FOXP2: variants seen among roughly 807,000 people sequenced by gnomAD.
The protein encoded by FOXP2 is forkhead box protein P2.
Under a neutral mutation model 115.8 loss-of-function variants are expected in FOXP2, and 12 were observed. The observed-to-expected ratio is 0.10, with a 90% confidence interval of 0.07 to 0.17. The LOEUF (loss-of-function observed/expected upper bound fraction) is 0.17, where lower values mean the gene tolerates loss of function less well. FOXP2 is among the 10% of genes least tolerant of loss of function. The pLI is 1.00. For synonymous variants in FOXP2, 328 were observed against 297.7 expected (o/e 1.10, Z -1.05); for missense variants, 629 against 843.5 (o/e 0.75, Z 3.15).
intron 1 of FOXP2, among the ~76,000 whole-genome samples, chr7:114,285,794 G>C (rs1451952103): frequency 6.6e-6 from 1 of 151,816 alleles, no homozygotes; most frequent in Non-Finnish European, 1.5e-5. Context: ...CCTTTTCAAG[G>C]TTCTTTGCTC....
chr7:114,323,735 G>T (rs1288320385), intron 2 of FOXP2, among the ~76,000 whole-genome samples: 1 of 151,826 alleles, frequency 6.6e-6, no homozygotes, highest in African/African-American at 2.4e-5. Context: ...TACCATCAGA[G>T]TACTTATAAT....
At chr7:114,678,545 C>CTTTT (rs1475291523) in intron 16 of FOXP2, among the ~76,000 whole-genome samples, 8 of 73,248 alleles carry the variant, frequency 1.1e-4, no homozygotes, top group Non-Finnish European at 2.4e-4. Flanking sequence ...AAATAAGTGA[C>CTTTT]TCTTTTTTTT....
intron 6 of FOXP2, among the ~76,000 whole-genome samples, chr7:114,639,400 T>TA (rs2129331549): frequency 6.6e-6 from 1 of 152,256 alleles, no homozygotes; most frequent in South Asian, 2.1e-4. Context: ...GCAGTGGAGA[T>TA]ACACCAGTAA....
At chr7:114,409,151 T>C (rs995434296) in intron 2 of FOXP2, among the ~76,000 whole-genome samples, 3 of 152,158 alleles carry the variant, frequency 2.0e-5, no homozygotes, top group Admixed American at 6.6e-5. Context: ...CTTTTTAGTC[T>C]TTTTGGCAAA....
intron 2 of FOXP2, among the ~76,000 whole-genome samples, chr7:114,358,310 T>C (rs951975570): frequency 3.3e-5 from 5 of 152,172 alleles, no homozygotes; most frequent in Admixed American, 2.0e-4. Flanking sequence ...TGTTTGTCTT[T>C]ATAGATTACC....
At chr7:114,646,412 A>T (rs1315042606) in intron 8 of FOXP2, among the ~76,000 whole-genome samples, 1 of 152,068 alleles carries the variant, frequency 6.6e-6, no homozygotes, top group African/African-American at 2.4e-5. Flanking sequence ...TATTACTGAC[A>T]ACCAGATGAA....
intron 1 of FOXP2, among the ~76,000 whole-genome samples, chr7:114,214,727 C>A (rs1314774553): frequency 6.6e-6 from 1 of 152,142 alleles, no homozygotes; most frequent in Non-Finnish European, 1.5e-5. Flanking sequence ...AAAACCCATT[C>A]TTTTCCTTCT....
chr7:114,514,800 C>T (rs1165308915), intron 2 of FOXP2, among the ~76,000 whole-genome samples: 1 of 151,582 alleles, frequency 6.6e-6, no homozygotes, highest in Non-Finnish European at 1.5e-5. Flanking sequence ...ATGTGCCATG[C>T]TGGTGTGCTG....
intron 2 of FOXP2, among the ~76,000 whole-genome samples, chr7:114,437,850 T>A (rs1794425273): frequency 6.6e-6 from 1 of 152,050 alleles, no homozygotes; most frequent in Admixed American, 6.6e-5. Context: ...TCAGTTCTGC[T>A]CAGTTCAGTT....
At chr7:114,557,691 A>G (rs1317848792) in intron 3 of FOXP2, among the ~76,000 whole-genome samples, 2 of 152,188 alleles carry the variant, frequency 1.3e-5, no homozygotes, top group African/African-American at 2.4e-5. Flanking sequence ...TTATTTTTGT[A>G]TCTCTAATGG....
At chr7:114,225,897 T>C (rs1794734583) in intron 1 of FOXP2, among the ~76,000 whole-genome samples, 1 of 152,228 alleles carries the variant, frequency 6.6e-6, no homozygotes, top group Non-Finnish European at 1.5e-5. Flanking sequence ...CAAAAAACTT[T>C]ACAAAACATA....
chr7:114,345,560 A>G (rs945404173), intron 2 of FOXP2, among the ~76,000 whole-genome samples: 1 of 151,692 alleles, frequency 6.6e-6, no homozygotes, highest in Non-Finnish European at 1.5e-5. Context: ...ATTTGTGTTC[A>G]TGTTCTGAAT....
intron 14 of FOXP2, 49 bp from the exon 15 acceptor site, chr7:114,663,401 C>A: frequency 2.3e-6 from 3 of 1,314,148 alleles, no homozygotes; most frequent in Non-Finnish European, 3.3e-6. Flanking sequence ...TTGATATCCA[C>A]GTTTTATATT....
At chr7:114,439,043 A>T (rs1794480048) in intron 2 of FOXP2, among the ~76,000 whole-genome samples, 1 of 152,194 alleles carries the variant, frequency 6.6e-6, no homozygotes, top group Non-Finnish European at 1.5e-5. Context: ...TAATAATTTT[A>T]AAAAGACAAA....
chr7:114,664,504 T>C, intron 16 of FOXP2, 68 bp downstream of exon 16: 1 of 1,578,470 alleles, frequency 6.3e-7, no homozygotes, highest in Non-Finnish European at 8.7e-7. Flanking sequence ...ATTTAGAATT[T>C]TTCCGAAGTT....
At chr7:114,240,164 G>A (rs1231724523) in intron 1 of FOXP2, among the ~76,000 whole-genome samples, 1 of 152,116 alleles carries the variant, frequency 6.6e-6, no homozygotes, top group Non-Finnish European at 1.5e-5. Context: ...TTGCTTTGTA[G>A]AAGCAAAGGA....
chr7:114,195,018 G>C (rs1323843991), intron 1 of FOXP2, among the ~76,000 whole-genome samples: 2 of 152,104 alleles, frequency 1.3e-5, no homozygotes, highest in African/African-American at 2.4e-5. Context: ...ATTTAAGAGA[G>C]ATTGAGGCAA....
intron 3 of FOXP2, among the ~76,000 whole-genome samples, chr7:114,583,981 G>A (rs576401723): frequency 1.3e-5 from 2 of 152,048 alleles, no homozygotes; most frequent in Non-Finnish European, 2.9e-5. Flanking sequence ...ATCACAGCAT[G>A]TTTACTTTGG....
In FOXP2 at chr7:114,659,427, A is replaced by C. The variant is rs1263358727; in HGVS notation, c.1540A>C (p.Arg514=). The part of the protein sequence containing the change: ...RPPFTYATLI[R]QAIMESSDRQ... ...TCCATTTACTTATGCAACTCTCATA[A>C]GGCAGGTAAGTAGAAGGAAAATTAA... Residue 514 remains arginine (R), a synonymous_variant, in exon 12 of 17, where the codon AGG becomes CGG. Coordinates refer to ENST00000350908, the MANE Select transcript of FOXP2 (RefSeq NM_014491.4). 2.5e-6 allele frequency: 4 copies of C among 1,612,696 alleles called. No homozygotes were observed. In the African/African-American group the frequency reaches 5.3e-5, roughly 22 times the overall value.
Sources: allele counts gnomAD v4.1 joint callset (sites outside exome capture counted in the v4.1 genomes callset), GRCh38; gene constraint gnomAD v4.1.1; transcripts MANE v1.5; gene names NCBI Gene and HGNC (gene_info 2026-07-23, HGNC 2026-07-21).